The following MAGI2 variants were observed in gnomAD, a reference collection of about 807,000 sequenced individuals.
The protein encoded by MAGI2 is membrane associated guanylate kinase, WW and PDZ domain containing 2.
A neutral mutation model predicts 133.3 loss-of-function variants in MAGI2; 35 were observed. That is an observed-to-expected ratio of 0.26 (90% CI 0.20 to 0.35). MAGI2 has a LOEUF of 0.35. Among genes scored for constraint, MAGI2 ranks in the 10% least tolerant of loss-of-function variants. The pLI is 1.00. For synonymous variants in MAGI2, 729 were observed against 710.6 expected (o/e 1.03, Z -0.41); for missense variants, 1,636 against 1,863.4 (o/e 0.88, Z 2.25).
At chr7:78,738,396 T>C (rs1263622135) in intron 2 of MAGI2, among the ~76,000 whole-genome samples, 4 of 152,180 alleles carry the variant, frequency 2.6e-5, no homozygotes, top group African/African-American at 9.7e-5. Flanking sequence ...TCTACAGATA[T>C]AATTCTAATT....
chr7:78,409,233 G>A (rs1797651830), intron 6 of MAGI2, among the ~76,000 whole-genome samples: 1 of 151,794 alleles, frequency 6.6e-6, no homozygotes, highest in Non-Finnish European at 1.5e-5. Context: ...TCTTTTTTTA[G>A]GTGTTAAAAT....
At chr7:79,059,350 G>A (rs1358216075) in intron 1 of MAGI2, among the ~76,000 whole-genome samples, 1 of 152,000 alleles carries the variant, frequency 6.6e-6, no homozygotes, top group East Asian at 1.9e-4. Context: ...TATCAAAAAT[G>A]CTCAGTAAAT....
intron 6 of MAGI2, among the ~76,000 whole-genome samples, chr7:78,480,964 C>A (rs1792307664): frequency 6.6e-6 from 1 of 151,894 alleles, no homozygotes; most frequent in African/African-American, 2.4e-5. Flanking sequence ...GATTGGAATA[C>A]TCAACACAGT....
chr7:79,119,119 T>C (rs375951989), intron 1 of MAGI2, among the ~76,000 whole-genome samples: 191 of 152,254 alleles, frequency 1.3e-3, no homozygotes, highest in African/African-American at 4.5e-3. Flanking sequence ...TAAATTTAAT[T>C]GACATAAATT....
intron 10 of MAGI2, chr7:78,251,763 A>G (rs1321927957): frequency 6.6e-6 from 1 of 152,214 alleles, no homozygotes; most frequent in Non-Finnish European, 1.5e-5. Context: ...AAAAGGTTCA[A>G]TGTTGGCAAT....
At chr7:78,705,859 T>G (rs527899872) in intron 2 of MAGI2, among the ~76,000 whole-genome samples, 17 of 152,206 alleles carry the variant, frequency 1.1e-4, no homozygotes, top group African/African-American at 3.9e-4. Context: ...TGCCTTAAAC[T>G]GTTTGTTCCT....
chr7:78,468,011 A>T (rs1281160727), intron 6 of MAGI2, among the ~76,000 whole-genome samples: 2 of 152,098 alleles, frequency 1.3e-5, no homozygotes, highest in Non-Finnish European at 2.9e-5. Flanking sequence ...GTGGAGGGAA[A>T]AGTTTTCACT....
intron 1 of MAGI2, among the ~76,000 whole-genome samples, chr7:79,256,829 C>A (rs1346492831): frequency 6.6e-6 from 1 of 152,096 alleles, no homozygotes; most frequent in Non-Finnish European, 1.5e-5. Flanking sequence ...ATAAATCTCT[C>A]TCCTCTAAGA....
At chr7:78,360,203 G>A (rs561188182) in intron 7 of MAGI2, among the ~76,000 whole-genome samples, 2 of 151,896 alleles carry the variant, frequency 1.3e-5, no homozygotes, top group African/African-American at 2.4e-5. Flanking sequence ...TAACATTGTC[G>A]GCATCTCTTT....
intron 7 of MAGI2, chr7:78,350,069 G>A (rs2151201295): frequency 6.6e-6 from 1 of 152,292 alleles, no homozygotes; most frequent in Non-Finnish European, 1.5e-5. Context: ...AAAGCTAAAA[G>A]CGTAAGAGTC....
chr7:78,474,124 C>A (rs1204227817), intron 6 of MAGI2, among the ~76,000 whole-genome samples: 1 of 151,926 alleles, frequency 6.6e-6, no homozygotes, highest in Non-Finnish European at 1.5e-5. Flanking sequence ...CAGACACTAT[C>A]CCATATGCTG....
intron 7 of MAGI2, among the ~76,000 whole-genome samples, chr7:78,356,404 T>C (rs566756729): frequency 4.1e-4 from 63 of 152,280 alleles, no homozygotes; most frequent in African/African-American, 1.5e-3. Context: ...GTTCTGGTGT[T>C]CTACACCACT....
chr7:79,000,044 C>T (rs571904741), intron 2 of MAGI2, among the ~76,000 whole-genome samples: 15 of 152,220 alleles, frequency 9.9e-5, no homozygotes, highest in Middle Eastern at 3.4e-3. Flanking sequence ...AACAGATGTA[C>T]GATATACAGC....
intron 16 of MAGI2, chr7:78,158,391 T>C (rs980040016): frequency 4.6e-5 from 7 of 152,124 alleles, no homozygotes; most frequent in African/African-American, 1.7e-4. Context: ...AGCCTGAGAA[T>C]CTGAAAAGGT....
intron 1 of MAGI2, among the ~76,000 whole-genome samples, chr7:79,163,825 CT>C (rs1399050575): frequency 6.6e-6 from 1 of 151,898 alleles, no homozygotes; most frequent in Non-Finnish European, 1.5e-5. Context: ...CATTTTATAT[CT>C]CTTGTAAGTG....
At chr7:78,227,682 G>A (rs1190112846) in intron 10 of MAGI2, among the ~76,000 whole-genome samples, 1 of 152,130 alleles carries the variant, frequency 6.6e-6, no homozygotes, top group East Asian at 1.9e-4. Flanking sequence ...CTAATGAAAT[G>A]ATGTTCTCTT....
chr7:79,185,842 C>A (rs1030511799), intron 1 of MAGI2, among the ~76,000 whole-genome samples: 1 of 151,708 alleles, frequency 6.6e-6, no homozygotes, highest in Non-Finnish European at 1.5e-5. Context: ...CTAAGAAACA[C>A]AGTTGAAGCT....
Position 78,501,710 on chromosome 7 carries a change from T to A in MAGI2, c.832A>T (p.Ser278Cys), listed in dbSNP as rs770961303. ...TGCTCCTTCAGCTCCTCAGGCTGAC[T>A]GTACACTGGTGCAGGATAAGGCTGG... ...PSQPYPAPVY[S>C]QPEELKEQMD... is the part of the protein sequence containing the mutation. The change falls in exon 5 of 22, where the codon AGT (serine) becomes TGT (cysteine). Residue 278 changes from serine (S) to cysteine (C), a missense_variant. Coordinates refer to ENST00000354212, the MANE Select transcript of MAGI2 (RefSeq NM_012301.4). 6.2e-7 allele frequency: 1 copy of A among 1,614,138 alleles called. No homozygotes were observed. The highest frequency in any genetic ancestry group is 8.5e-7 in the Non-Finnish European group (1 of 1,180,006).
At chr7:78,110,814 T>C (rs1414014342) in intron 20 of MAGI2, among the ~76,000 whole-genome samples, 2 of 152,126 alleles carry the variant, frequency 1.3e-5, no homozygotes, top group African/African-American at 2.4e-5. Context: ...GGACAGGGTC[T>C]GACAATGGTG....
Sources: allele counts gnomAD v4.1 joint callset (sites outside exome capture counted in the v4.1 genomes callset), GRCh38; gene constraint gnomAD v4.1.1; transcripts MANE v1.5; gene names NCBI Gene and HGNC (gene_info 2026-07-23, HGNC 2026-07-21).